The following INTS8 variants were observed in gnomAD, a reference collection of about 807,000 sequenced individuals.
INTS8 encodes integrator complex subunit 8, also known as protein kaonashi-1.
Under a neutral mutation model 138.9 loss-of-function variants are expected in INTS8, and 47 were observed. The observed-to-expected ratio is 0.34, with a 90% CI of 0.27 to 0.43. The LOEUF (loss-of-function observed/expected upper bound fraction) is 0.43. Among genes scored for constraint, INTS8 ranks in the 20% least tolerant of loss-of-function variants. The pLI, the probability that INTS8 is intolerant of heterozygous loss-of-function variation, is 1.00. For missense variants in INTS8, 996 were observed against 1,173.0 expected (o/e 0.85, Z 2.20); for synonymous variants, 392 against 400.9 (o/e 0.98, Z 0.27).
intron 16 of INTS8, among the ~76,000 whole-genome samples, chr8:94,861,067 A>C (rs868829345): frequency 0.014 from 2,070 of 150,978 alleles, 27 homozygotes; most frequent in Middle Eastern, 0.048. Flanking sequence ...AAAAAAAAAA[A>C]AAAAAAAATC....
intron 20 of INTS8, among the ~76,000 whole-genome samples, chr8:94,869,046 A>G (rs1359150808): frequency 1.9e-4 from 28 of 146,578 alleles, no homozygotes; most frequent in Admixed American, 6.2e-4. Flanking sequence ...GCAGTGGCGC[A>G]ATCTCGGCTC....
Position 94,842,330 on chromosome 8 carries a change from A to G in INTS8, c.1119-17A>G. On this transcript the variant is annotated splice_polypyrimidine_tract_variant and intron_variant, in intron 9 of 26. Coordinates refer to ENST00000523731, the MANE Select transcript of INTS8 (RefSeq NM_017864.4). ...TAGTAAAAATAACATTAGTTGATCTACTTTTGTATTCTACAGAAATGAAGC... is the reference window on the plus strand; with the variant it reads ...TAGTAAAAATAACATTAGTTGATCTGCTTTTGTATTCTACAGAAATGAAGC... 6.6e-7 allele frequency: 1 copy of G among 1,525,996 alleles called. No homozygotes were observed. Among genetic ancestry groups the G allele is most frequent in the Non-Finnish European group, 8.9e-7 (1 of 1,118,462 alleles). The allele number at this position is 1,525,996 out of a possible 1,614,324, so 94.5% of individuals were successfully genotyped here.
chr8:94,869,625 T>G (rs1008389373), intron 20 of INTS8, among the ~76,000 whole-genome samples: 1 of 152,116 alleles, frequency 6.6e-6, no homozygotes, highest in African/African-American at 2.4e-5. Context: ...CCTGAGTAGC[T>G]GGTGTTACAG....
chr8:94,867,120 CTG>C lies in INTS8; in HGVS notation c.2296-16_2296-15del, dbSNP rs1457555081. 2 of 1,569,802 alleles carry C rather than the reference CTG, an allele frequency of 1.3e-6. No homozygotes were observed. Among genetic ancestry groups the C allele is most frequent in the Non-Finnish European group, 1.7e-6 (2 of 1,148,516 alleles). ...AATATACATACACTGTTTAAGGATTCTGTGTTTTCTTTCTCATAGGAACCACT... is the reference window on the plus strand; with the variant it reads ...AATATACATACACTGTTTAAGGATTCTGTTTTCTTTCTCATAGGAACCACT... On this transcript the variant is annotated intron_variant, in intron 18 of 26. Coordinates refer to ENST00000523731, the MANE Select transcript of INTS8 (RefSeq NM_017864.4).
In INTS8 at chr8:94,831,862, TGTACTC is replaced by T. The variant is rs1814729868; in HGVS notation, c.571-129_571-124del. 1.1e-5 allele frequency: 6 copies of T among 566,894 alleles called. No homozygotes were observed. In the Admixed American group the frequency reaches 1.1e-4, roughly 10 times the overall value. 35.1% of individuals were successfully genotyped at this position (566,894 alleles called of 1,614,324 possible). On this transcript the variant is annotated intron_variant, in intron 5 of 26. Coordinates refer to ENST00000523731, the MANE Select transcript of INTS8 (RefSeq NM_017864.4). ...GTAACTTTATTTCAACAAATGTAAT[TGTACTC>T]TTGCTGTGTTAAAAATTTTTTTAAT...
intron 15 of INTS8, among the ~76,000 whole-genome samples, chr8:94,858,951 T>C (rs1189124760): frequency 6.6e-6 from 1 of 152,172 alleles, no homozygotes; most frequent in African/African-American, 2.4e-5. Flanking sequence ...TCCTATAGCT[T>C]ATGCTTATAA....
intron 10 of INTS8, among the ~76,000 whole-genome samples, chr8:94,846,796 A>G (rs1360722154): frequency 6.6e-6 from 1 of 152,226 alleles, no homozygotes; most frequent in Non-Finnish European, 1.5e-5. Flanking sequence ...TGTTTTTAAA[A>G]TAACGAATTA....
chr8:94,836,628 A>G lies in INTS8; in HGVS notation c.858A>G (p.Ala286=). Residue 286 remains alanine (A), a synonymous_variant, in exon 7 of 27, where the codon GCA becomes GCG. Transcript: ENST00000523731. ...EKFFRTKELI[A]EIGSLSLHCT... is the part of the protein sequence containing the mutation. ...TTTTTAGAACCAAAGAACTAATTGCAGAGGTAAATCCAGTCATAATAGGAA... is the reference window on the plus strand; with the variant it reads ...TTTTTAGAACCAAAGAACTAATTGCGGAGGTAAATCCAGTCATAATAGGAA... The G allele has an allele frequency of 6.3e-7, 1 of 1,577,386 alleles. No individual in the cohort carries two copies. The highest frequency in any genetic ancestry group is 1.3e-5 in the African/African-American group (1 of 74,328).
In INTS8 at chr8:94,876,251, C is replaced by T. The variant is rs1452860291; in HGVS notation, c.2793C>T (p.Tyr931=). 2 of 1,612,490 alleles carry T rather than the reference C, an allele frequency of 1.2e-6. No individual in the cohort carries two copies. Among genetic ancestry groups the T allele is most frequent in the African/African-American group, 1.3e-5 (1 of 75,032 alleles). The part of the protein sequence containing the change: ...SHDAMDSYYD[Y]IWDVTILEYL... ...ATGCTATGGACTCCTACTACGACTA[C>T]ATATGGGATGTTACCATTTTGGAAT... Residue 931 remains tyrosine (Y), a synonymous_variant, in exon 25 of 27, where the codon TAC becomes TAT. Transcript: ENST00000523731.
At chr8:94,865,761 A>G (rs1816157012) in intron 17 of INTS8, 71 bp downstream of exon 17, 1 of 1,325,822 alleles carries the variant, frequency 7.5e-7, no homozygotes, top group Non-Finnish European at 1.1e-6. Context: ...CTATTAACCT[A>G]TTAAAGGTTG....
At chr8:94,847,875 T>C (rs1366335970) in intron 10 of INTS8, among the ~76,000 whole-genome samples, 3 of 152,184 alleles carry the variant, frequency 2.0e-5, no homozygotes, top group Non-Finnish European at 4.4e-5. Context: ...ATAAGATATT[T>C]ACATATGGCA....
chr8:94,836,543 C>A lies in INTS8; in HGVS notation c.773C>A (p.Ala258Glu), dbSNP rs758511855. 3.7e-6 allele frequency: 6 copies of A among 1,613,608 alleles called. No homozygotes were observed. In the South Asian group the frequency reaches 6.6e-5, roughly 18 times the overall value. ...MQCQVCYDLG[A>E]AYFQQGSTNS... The stretch of plus-strand genomic sequence containing the variant: ...TTTCAGGTGTGCTATGATTTGGGCG[C>A]AGCATACTTCCAGCAAGGCTCCACA... The change falls in exon 7 of 27, where the codon GCA becomes GAA. Residue 258 changes from alanine (A) to glutamate (E), a missense_variant. Coordinates refer to ENST00000523731, the MANE Select transcript of INTS8 (RefSeq NM_017864.4).
At chr8:94,852,320 A>G (rs1815575322) in intron 13 of INTS8, among the ~76,000 whole-genome samples, 1 of 152,188 alleles carries the variant, frequency 6.6e-6, no homozygotes, top group African/African-American at 2.4e-5. Flanking sequence ...TCATTATGGA[A>G]CATTTTTGGC....
chr8:94,826,720 T>A (rs1814518424), intron 2 of INTS8, among the ~76,000 whole-genome samples: 1 of 152,104 alleles, frequency 6.6e-6, no homozygotes, highest in Non-Finnish European at 1.5e-5. Flanking sequence ...GGCCATCAGG[T>A]GATAATTGCT....
chr8:94,827,109 A>G (rs1814538265), intron 2 of INTS8, among the ~76,000 whole-genome samples, 154 bp from the exon 3 acceptor site: 1 of 152,226 alleles, frequency 6.6e-6, no homozygotes, highest in Non-Finnish European at 1.5e-5. Flanking sequence ...TGTCTCAAAA[A>G]AAAGAAAAAA....
chr8:94,859,800 C>A, intron 16 of INTS8, 168 bp downstream of exon 16: 1 of 570,366 alleles, frequency 1.8e-6, no homozygotes, highest in Non-Finnish European at 3.1e-6. Context: ...ATGCACTTGA[C>A]CTTGTTCTAA....
In INTS8 at chr8:94,873,492, T is replaced by C; in HGVS notation, c.2637+15T>C. 6.5e-7 allele frequency: 1 copy of C among 1,546,722 alleles called. No individual in the cohort carries two copies. The highest frequency in any genetic ancestry group is 1.4e-5 in the African/African-American group (1 of 73,672). ...ATACAGACCAGGTGAATTGTTTTCG[T>C]GGGCTGGCTGGTTTCTTGCCTACCT... On this transcript the variant is annotated intron_variant, in intron 22 of 26. Transcript: ENST00000523731.
chr8:94,852,682 G>T (rs1256252998), intron 13 of INTS8, among the ~76,000 whole-genome samples: 1 of 151,594 alleles, frequency 6.6e-6, no homozygotes, highest in Non-Finnish European at 1.5e-5. Flanking sequence ...TCCGCCTCCC[G>T]GGTTCAAGCA....
At position 94,856,755 on chromosome 8, in the gene INTS8, G is replaced by C. The variant is rs1199552548; in HGVS notation, c.1753-22G>C. On this transcript the variant is annotated intron_variant, in intron 14 of 26. Coordinates refer to ENST00000523731, the MANE Select transcript of INTS8 (RefSeq NM_017864.4). ...TGGCGCCAAAGGAAAGGTGACCCAG[G>C]CTATTCTTTTTCTTTTCATAGGACT... The C allele has an allele frequency of 8.7e-6, 14 of 1,608,598 alleles. No homozygotes were observed. In the South Asian group the frequency reaches 1.5e-4, roughly 18 times the overall value.
Sources: allele counts gnomAD v4.1 joint callset (sites outside exome capture counted in the v4.1 genomes callset), GRCh38; gene constraint gnomAD v4.1.1; transcripts MANE v1.5; gene names NCBI Gene and HGNC (gene_info 2026-07-23, HGNC 2026-07-21).